Variants in MMP10 observed in about 807,000 individuals in gnomAD.
The protein encoded by MMP10 is stromelysin-2.
A neutral mutation model predicts 49.1 loss-of-function variants in MMP10; 50 were observed. That is an observed-to-expected ratio of 1.02 (90% confidence interval 0.81 to 1.29). The LOEUF is 1.29. Ranked by LOEUF, MMP10 falls within the 50% of genes most tolerant of loss-of-function variation. MMP10 has a pLI of 0.00. For missense variants in MMP10, 613 were observed against 563.8 expected, an observed-to-expected ratio of 1.09 and a Z score of -0.88; for synonymous variants, 229 against 201.6, an observed-to-expected ratio of 1.14 and a Z score of -1.15.
chr11:102,772,175 G>A lies in MMP10; in HGVS notation c.1227-60C>T. 2.0e-6 allele frequency: 2 copies of A among 1,013,066 alleles called. No individual in the cohort carries two copies. The highest frequency in any genetic ancestry group is 2.2e-5 in the Admixed American group (1 of 45,298). 62.8% of individuals were successfully genotyped at this position (1,013,066 alleles called of 1,614,324 possible). Reference sequence around the variant, plus strand: ...TGCAGTAGTCCCATTACACACAATAGTATAATGTGATGTTAATTTTCCAGT... The same window carrying A: ...TGCAGTAGTCCCATTACACACAATAATATAATGTGATGTTAATTTTCCAGT... On this transcript the variant is annotated intron_variant, in intron 8 of 9. Coordinates refer to ENST00000279441, the MANE Select transcript of MMP10 (RefSeq NM_002425.3). The surrounding 1 kb of genome is among the most constrained non-coding windows in gnomAD (Gnocchi z 4.4).
chr11:102,772,755 G>C lies in MMP10; in HGVS notation c.1226+92C>G. The C allele has an allele frequency of 1.5e-6, 2 of 1,307,852 alleles. No homozygotes were observed. The highest frequency in any genetic ancestry group is 1.5e-5 in the African/African-American group (1 of 67,244). 81.0% of individuals were successfully genotyped at this position (1,307,852 alleles called of 1,614,324 possible). A position where few individuals can be genotyped will look rare whatever the true frequency, so the allele number is the denominator to read the frequency against. ...TAAATTTTGAAGTTAGAGAAAGTTAGAGGGTGGGTGTAGGGTAGGGAAATA... is the reference window on the plus strand; with the variant it reads ...TAAATTTTGAAGTTAGAGAAAGTTACAGGGTGGGTGTAGGGTAGGGAAATA... On this transcript the variant is annotated intron_variant, in intron 8 of 9. Coordinates refer to ENST00000279441, the MANE Select transcript of MMP10 (RefSeq NM_002425.3). The surrounding 1 kb of genome is among the most constrained non-coding windows in gnomAD (Gnocchi z 4.4).
intron 9 of MMP10, 91 bp downstream of exon 9, chr11:102,771,921 A>G: frequency 2.4e-6 from 2 of 823,566 alleles, no homozygotes; most frequent in South Asian, 3.1e-5. Flanking sequence ...AGACTGAATG[A>G]TTTAAAAACT....
intron 6 of MMP10, among the ~76,000 whole-genome samples, chr11:102,775,644 G>T (rs371476113): frequency 6.6e-6 from 1 of 152,276 alleles, no homozygotes; most frequent in African/African-American, 2.4e-5. Context: ...GGTAGCAGTG[G>T]TTGCACATAT....
chr11:102,775,548 T>C (rs890488188), intron 6 of MMP10, among the ~76,000 whole-genome samples: 3 of 152,158 alleles, frequency 2.0e-5, no homozygotes, highest in African/African-American at 7.2e-5. Context: ...AGTGTGCATA[T>C]TATGTCCTAA....
At chr11:102,774,491 G>A (rs1057371547) in intron 7 of MMP10, among the ~76,000 whole-genome samples, 2 of 151,832 alleles carry the variant, frequency 1.3e-5, no homozygotes, top group Non-Finnish European at 2.9e-5. Context: ...AAAGGCAAAA[G>A]GATTCAGTAT....
chr11:102,779,897 A>C, intron 1 of MMP10, 152 bp from the exon 2 acceptor site: 1 of 879,922 alleles, frequency 1.1e-6, no homozygotes, highest in Non-Finnish European at 1.6e-6. Context: ...ATTTCATACA[A>C]ATTTTTAAAT....
In MMP10 at chr11:102,779,630, ACCT is replaced by A. The variant is rs779230751; in HGVS notation, c.218_220del (p.Glu73del). ...AGTGTCAGTGTCTAGCTTCCCTGTC[ACCT>A]CCAACCCAAGGAACTTCTGCATTCC... On this transcript the variant is annotated inframe_deletion, in exon 2 of 10. Coordinates refer to ENST00000279441, the MANE Select transcript of MMP10 (RefSeq NM_002425.3). The A allele has an allele frequency of 6.2e-7, 1 of 1,613,828 alleles. No individual in the cohort carries two copies.
Position 102,776,302 on chromosome 11 carries a change from C to T in MMP10, c.910G>A (p.Glu304Lys), listed in dbSNP as rs775937217. ...SFDAISTLRG[E>K]YLFFKDRYFW... ...GACCTGTCTTTAAAGAACAGATATT[C>T]TCCCCTCAGAGTGCTGATGGCATCG... Residue 304 changes from glutamate (E) to lysine (K), a missense_variant, in exon 6 of 10, where the codon GAA becomes AAA. Glu to Lys is a moderately conservative substitution (Grantham distance 56, BLOSUM62 1). Transcript: ENST00000279441. 13 of 1,613,546 alleles carry T rather than the reference C, an allele frequency of 8.1e-6. No homozygotes were observed. In the South Asian group the frequency reaches 1.4e-4, roughly 18 times the overall value.
intron 7 of MMP10, among the ~76,000 whole-genome samples, chr11:102,774,108 A>C (rs1861999612): frequency 6.6e-6 from 1 of 152,238 alleles, no homozygotes; most frequent in African/African-American, 2.4e-5. Context: ...AAAATATTCC[A>C]TTATCACCTA....
chr11:102,778,554 G>A, intron 4 of MMP10, 70 bp downstream of exon 4: 2 of 1,580,252 alleles, frequency 1.3e-6, no homozygotes, highest in African/African-American at 1.4e-5. Context: ...GCTCGTTCTA[G>A]ATAATCCAAT....
intron 4 of MMP10, 76 bp downstream of exon 4, chr11:102,778,548 G>A (rs997822491): frequency 6.0e-5 from 94 of 1,567,110 alleles, no homozygotes; most frequent in East Asian, 9.0e-5. Flanking sequence ...TTTATTGCTC[G>A]TTCTAGATAA....
chr11:102,771,812 A>AACACACACACAC (rs61090976), intron 9 of MMP10, among the ~76,000 whole-genome samples, 200 bp downstream of exon 9: 33 of 150,190 alleles, frequency 2.2e-4, no homozygotes, highest in African/African-American at 8.1e-4. Flanking sequence ...TATTCAGGAA[A>AACACACACACAC]ACACACACAC....
At chr11:102,774,373 A>G (rs17860984) in intron 7 of MMP10, among the ~76,000 whole-genome samples, 849 of 152,188 alleles carry the variant, frequency 5.6e-3, no homozygotes, top group Non-Finnish European at 8.6e-3. Context: ...AACTAATTAA[A>G]CGGGAAATCA....
chr11:102,775,457 G>C (rs1053772814), intron 6 of MMP10, 136 bp from the exon 7 acceptor site: 1 of 623,038 alleles, frequency 1.6e-6, no homozygotes, highest in Non-Finnish European at 2.6e-6. Context: ...TGTGATTCCA[G>C]GGTAATGAAA....
rs1187690668 is a variant in MMP10, at chr11:102,776,679, G to A, written c.720C>T (p.Asn240=). 3 of 1,614,066 alleles carry A rather than the reference G, an allele frequency of 1.9e-6. No homozygotes were observed. The highest frequency in any genetic ancestry group is 2.2e-5 in the East Asian group (1 of 44,888). Residue 240 remains asparagine (N), a synonymous_variant, in exon 5 of 10, where the codon AAC becomes AAT. Transcript: ENST00000279441. ...NTEALMYPLY[N]SFTELAQFRL... ...GGAACTGGGCGAGCTCTGTGAATGA[G>A]TTGTAGAGTGGGTACATCAAAGCTT...
chr11:102,778,818 A>G (rs1857782957), intron 3 of MMP10, 69 bp from the exon 4 acceptor site: 3 of 1,556,810 alleles, frequency 1.9e-6, no homozygotes, highest in Admixed American at 1.8e-5. Context: ...CAATTAAACA[A>G]CAGTAGATTC....
At position 102,776,683 on chromosome 11, in the gene MMP10, T is replaced by C. The variant is rs1857744802; in HGVS notation, c.716A>G (p.Tyr239Cys). ...ANTEALMYPL[Y>C]NSFTELAQFR... ...CTGGGCGAGCTCTGTGAATGAGTTG[T>C]AGAGTGGGTACATCAAAGCTTCAGT... The change falls in exon 5 of 10, where the codon TAC becomes TGC. Residue 239 changes from tyrosine (Y) to cysteine (C), a missense_variant. By Grantham distance (194) the Tyr-to-Cys change is radical. Coordinates refer to ENST00000279441, the MANE Select transcript of MMP10 (RefSeq NM_002425.3). 3 of 1,614,034 alleles carry C rather than the reference T, an allele frequency of 1.9e-6. No individual in the cohort carries two copies. Among genetic ancestry groups the C allele is most frequent in the Non-Finnish European group, 2.5e-6 (3 of 1,179,952 alleles).
At chr11:102,774,969 T>G (rs1349568310) in intron 7 of MMP10, among the ~76,000 whole-genome samples, 1 of 152,210 alleles carries the variant, frequency 6.6e-6, no homozygotes, top group East Asian at 1.9e-4. Flanking sequence ...AAATTGACAT[T>G]TTTACTATCT....
chr11:102,774,061 T>A (rs1240837351), intron 7 of MMP10, among the ~76,000 whole-genome samples: 1 of 152,228 alleles, frequency 6.6e-6, no homozygotes, highest in Admixed American at 6.5e-5. Context: ...TTGCCAGAAA[T>A]AAATATTTTT....
Sources: gnomAD v4.1 joint callset for allele counts (sites outside exome capture counted in the v4.1 genomes callset) on GRCh38, gnomAD v4.1.1 for gene constraint, Gnocchi (gnomAD v3.1) non-coding constraint, MANE v1.5 for transcripts, NCBI Gene and HGNC (gene_info 2026-07-23, HGNC 2026-07-21) for gene names.